The following KDM4C variants were observed in gnomAD, a reference collection of about 807,000 sequenced individuals.
KDM4C encodes the protein lysine-specific demethylase 4C.
KDM4C carries 81 observed loss-of-function variants against 129.3 expected under a neutral mutation model. The ratio of observed to expected loss-of-function variants is 0.63; its 90% CI spans 0.52 to 0.75. KDM4C has a LOEUF of 0.75. Among genes scored for constraint, KDM4C ranks in the 30% least tolerant of loss-of-function variants. The probability of loss-of-function intolerance (pLI) is 0.00; values close to 1 mark genes in which losing one functional copy is unlikely to be tolerated. For synonymous variants in KDM4C, 573 were observed against 456.1 expected, an observed-to-expected ratio of 1.26 and a Z score of -3.26; for missense variants, 1,457 against 1,304.0, an observed-to-expected ratio of 1.12 and a Z score of -1.81.
At chr9:6,852,218 T>A (rs1430735231) in intron 5 of KDM4C, among the ~76,000 whole-genome samples, 2 of 152,210 alleles carry the variant, frequency 1.3e-5, no homozygotes, top group African/African-American at 4.8e-5. Context: ...GCAATCCTTA[T>A]AATATATTTG....
chr9:7,115,491 G>A (rs1838796859), intron 18 of KDM4C, among the ~76,000 whole-genome samples: 1 of 152,098 alleles, frequency 6.6e-6, no homozygotes, highest in Admixed American at 6.6e-5. Context: ...ACAGCAAAGG[G>A]TATTTGACAT....
At position 7,166,941 on chromosome 9, in the gene KDM4C, C is replaced by A. The variant is rs140877922; in HGVS notation, c.2901+1584C>A. On this transcript the variant is annotated intron_variant, in intron 20 of 21. Coordinates refer to ENST00000381309, the MANE Select transcript of KDM4C (RefSeq NM_015061.6). Reference sequence around the variant, plus strand: ...ATTAAGCCAAGTGGCCTTTTGAGATCTTTTTGTGTTTTGTGTCTAATTATT... The same window carrying A: ...ATTAAGCCAAGTGGCCTTTTGAGATATTTTTGTGTTTTGTGTCTAATTATT... 9.5e-3 allele frequency among the ~76,000 whole-genome samples: 1,445 copies of A among 152,284 alleles called. 56 individuals are homozygous for A. Among genetic ancestry groups the A allele is most frequent in the Admixed American group, 0.065 (993 of 15,296 alleles).
At chr9:6,907,819 A>C (rs1220751698) in intron 8 of KDM4C, among the ~76,000 whole-genome samples, 2 of 152,216 alleles carry the variant, frequency 1.3e-5, no homozygotes, top group Non-Finnish European at 2.9e-5. Flanking sequence ...GAAATTTTGT[A>C]TTGGCTTTGG....
chr9:7,121,724 A>G (rs1839507237), intron 18 of KDM4C, among the ~76,000 whole-genome samples: 1 of 152,146 alleles, frequency 6.6e-6, no homozygotes, highest in African/African-American at 2.4e-5. Flanking sequence ...CTGTGGATAT[A>G]TTGGGGAAAG....
intron 9 of KDM4C, chr9:6,982,560 C>G (rs758127502): frequency 1.3e-5 from 2 of 152,120 alleles, no homozygotes; most frequent in Non-Finnish European, 2.9e-5. Context: ...CTGTGGGTTA[C>G]ATTCAAGAAA....
intron 19 of KDM4C, among the ~76,000 whole-genome samples, chr9:7,148,424 T>C: frequency 6.6e-6 from 1 of 152,154 alleles, no homozygotes; most frequent in Middle Eastern, 3.2e-3. Context: ...GCCCCACAGC[T>C]CTTTCCCGTT....
chr9:6,744,131 A>C (rs1162283744), intron 1 of KDM4C, among the ~76,000 whole-genome samples: 1 of 152,164 alleles, frequency 6.6e-6, no homozygotes, highest in African/African-American at 2.4e-5. Flanking sequence ...GTGGGGAGGC[A>C]GACTGACTTC....
chr9:7,137,816 A>G (rs1452117744), intron 19 of KDM4C, among the ~76,000 whole-genome samples: 3 of 152,244 alleles, frequency 2.0e-5, no homozygotes, highest in African/African-American at 7.2e-5. Flanking sequence ...TTGGTGACAC[A>G]TCCCAGAAGA....
intron 15 of KDM4C, among the ~76,000 whole-genome samples, chr9:7,016,801 A>G (rs1823781709): frequency 6.6e-6 from 1 of 151,992 alleles, no homozygotes. Flanking sequence ...CCACATTTAC[A>G]TTTTCAAGGC....
In KDM4C at chr9:7,096,018, C is replaced by T. The variant is rs190504824; in HGVS notation, c.2425-7667C>T. ...CCTATTTTGTGGTTTAGGAGGCTTT[C>T]TTTCCCCACCCATCAGCTGAAAGAT... is the stretch of plus-strand genomic sequence containing the variant. On this transcript the variant is annotated intron_variant, in intron 17 of 21. Transcript: ENST00000381309. Among the ~76,000 whole-genome samples the T allele has an allele frequency of 1.5e-3, 226 of 152,298 alleles. 1 individual carries two copies. Among genetic ancestry groups the T allele is most frequent in the Admixed American group, 7.1e-3 (109 of 15,302 alleles).
chr9:6,731,427 A>G (rs1351889164), intron 1 of KDM4C, among the ~76,000 whole-genome samples: 1 of 149,320 alleles, frequency 6.7e-6, no homozygotes. Context: ...CCCAGGTTCA[A>G]GCAATTCTCC....
intron 17 of KDM4C, among the ~76,000 whole-genome samples, chr9:7,056,701 C>T (rs951159748): frequency 3.3e-5 from 5 of 152,174 alleles, no homozygotes; most frequent in African/African-American, 9.7e-5. Context: ...ATTTTAAAAA[C>T]ATTATTAGAC....
At chr9:7,165,079 G>A (rs1844234261) in intron 19 of KDM4C, among the ~76,000 whole-genome samples, 159 bp from the exon 20 acceptor site, 1 of 151,592 alleles carries the variant, frequency 6.6e-6, no homozygotes, top group Non-Finnish European at 1.5e-5. Context: ...ATACTCCTTT[G>A]GCTCATATCT....
intron 19 of KDM4C, among the ~76,000 whole-genome samples, chr9:7,145,442 C>T (rs1224721953): frequency 6.6e-6 from 1 of 152,126 alleles, no homozygotes; most frequent in Admixed American, 6.5e-5. Flanking sequence ...GGGGGGCGCA[C>T]TCCCCTCTCA....
chr9:7,082,470 G>C (rs534689271), intron 17 of KDM4C, among the ~76,000 whole-genome samples: 6 of 152,320 alleles, frequency 3.9e-5, no homozygotes, highest in Middle Eastern at 3.4e-3. Flanking sequence ...GAGCCTTTCA[G>C]TTTGGGTCCT....
intron 8 of KDM4C, among the ~76,000 whole-genome samples, chr9:6,967,839 C>G (rs552942191): frequency 1.1e-3 from 162 of 152,270 alleles, no homozygotes; most frequent in Non-Finnish European, 9.7e-4. Context: ...AGTACAGATA[C>G]TGATGCCAAA....
chr9:7,015,765 C>G (rs968441662), intron 14 of KDM4C, 88 bp from the exon 15 acceptor site: 14 of 856,350 alleles, frequency 1.6e-5, no homozygotes, highest in Non-Finnish European at 2.7e-5. Flanking sequence ...AGGCTAGTGT[C>G]CCATTTTTAT....
chr9:7,029,000 A>C (rs931768420), intron 15 of KDM4C, among the ~76,000 whole-genome samples: 4 of 152,118 alleles, frequency 2.6e-5, no homozygotes, highest in Non-Finnish European at 5.9e-5. Flanking sequence ...AAAACCAGGT[A>C]CTGTGGGTGC....
In KDM4C at chr9:6,873,923, A is replaced by G. The variant is rs1286433351; in HGVS notation, c.630-6089A>G. On this transcript the variant is annotated intron_variant, in intron 5 of 21. Transcript: ENST00000381309. Reference sequence around the variant, plus strand: ...AGAGGCGAGAGAGAGAGCGAGAGAGAGAGAGAGTGAGAGAGAGCGAGAGAG... The same window carrying G: ...AGAGGCGAGAGAGAGAGCGAGAGAGGGAGAGAGTGAGAGAGAGCGAGAGAG... 2.2e-5 allele frequency among the ~76,000 whole-genome samples: 3 copies of G among 137,474 alleles called. No homozygotes were observed. The Admixed American group carries it at 2.3e-4, about 10-fold the overall frequency. 90.2% of individuals were successfully genotyped at this position (137,474 alleles called of 152,430 possible).
Sources: allele counts gnomAD v4.1 joint callset (sites outside exome capture counted in the v4.1 genomes callset), GRCh38; gene constraint gnomAD v4.1.1; transcripts MANE v1.5; gene names NCBI Gene and HGNC (gene_info 2026-07-23, HGNC 2026-07-21).